The following HSD17B11 variants were observed in gnomAD, a reference collection of about 807,000 sequenced individuals.
The protein encoded by HSD17B11 is hydroxysteroid 17-beta dehydrogenase 11.
Under a neutral mutation model 27.8 loss-of-function variants are expected in HSD17B11, and 22 were observed. The observed-to-expected ratio is 0.79, with a 90% CI of 0.56 to 1.13. The LOEUF (loss-of-function observed/expected upper bound fraction) is 1.13, where lower values mean the gene tolerates loss of function less well. Ranked by LOEUF, HSD17B11 falls within the 50% of genes most tolerant of loss-of-function variation. The probability of loss-of-function intolerance (pLI) is 0.00; values close to 1 mark genes in which losing one functional copy is unlikely to be tolerated. For synonymous variants in HSD17B11, 117 were observed against 132.8 expected, an observed-to-expected ratio of 0.88 and a Z score of 0.82; for missense variants, 314 against 351.1, an observed-to-expected ratio of 0.89 and a Z score of 0.84.
At chr4:87,382,038 A>G (rs567078261) in intron 2 of HSD17B11, among the ~76,000 whole-genome samples, 5 of 152,264 alleles carry the variant, frequency 3.3e-5, no homozygotes, top group African/African-American at 1.2e-4. Flanking sequence ...ATATATATAC[A>G]TTTTTAACAA....
At chr4:87,375,835 A>ATTTC (rs10627889) in intron 2 of HSD17B11, among the ~76,000 whole-genome samples, 92,885 of 151,800 alleles carry the variant, frequency 0.61, 29,664 homozygotes, top group African/African-American at 0.76. Flanking sequence ...CACATTTTCT[A>ATTTC]TTTATTTCTG....
chr4:87,386,096 T>C (rs941702082), intron 1 of HSD17B11, among the ~76,000 whole-genome samples: 1 of 152,162 alleles, frequency 6.6e-6, no homozygotes, highest in Admixed American at 6.5e-5. Flanking sequence ...CTCCACTATA[T>C]GGATGCAAAG....
intron 4 of HSD17B11, among the ~76,000 whole-genome samples, chr4:87,364,475 T>C (rs1347111648): frequency 6.6e-6 from 1 of 152,012 alleles, no homozygotes; most frequent in African/African-American, 2.4e-5. Context: ...AGGTAGGAAA[T>C]GTACTTTAAG....
intron 2 of HSD17B11, among the ~76,000 whole-genome samples, chr4:87,381,428 A>G: frequency 6.6e-6 from 1 of 152,118 alleles, no homozygotes. Context: ...TATACAGCAC[A>G]TCTCAATTGT....
chr4:87,339,641 C>T (rs1432574139), intron 6 of HSD17B11, among the ~76,000 whole-genome samples: 1 of 152,176 alleles, frequency 6.6e-6, no homozygotes, highest in African/African-American at 2.4e-5. Context: ...AGCCTCATTG[C>T]CACACAGCTT....
intron 2 of HSD17B11, among the ~76,000 whole-genome samples, chr4:87,378,857 A>AATAT (rs373730646): frequency 5.7e-4 from 11 of 19,172 alleles, no homozygotes; most frequent in African/African-American, 9.4e-4. Context: ...TATATATATA[A>AATAT]ATATATATAA....
chr4:87,376,858 G>A (rs770439220), intron 2 of HSD17B11, among the ~76,000 whole-genome samples: 4 of 152,022 alleles, frequency 2.6e-5, no homozygotes, highest in Admixed American at 6.5e-5. Context: ...GGCTGGGCAC[G>A]GTGGCTCACA....
At chr4:87,344,914 C>T (rs1314681750) in intron 5 of HSD17B11, among the ~76,000 whole-genome samples, 1 of 152,000 alleles carries the variant, frequency 6.6e-6, no homozygotes, top group Admixed American at 6.6e-5. Flanking sequence ...AATGAGAAAC[C>T]ACAAGAAATT....
intron 4 of HSD17B11, among the ~76,000 whole-genome samples, chr4:87,357,874 T>C (rs1735415295): frequency 6.6e-6 from 1 of 151,820 alleles, no homozygotes; most frequent in African/African-American, 2.4e-5. Context: ...TAAATTATTT[T>C]CTCATTATAT....
At chr4:87,357,031 G>A (rs905986554) in intron 5 of HSD17B11, among the ~76,000 whole-genome samples, 1 of 152,092 alleles carries the variant, frequency 6.6e-6, no homozygotes, top group African/African-American at 2.4e-5. Context: ...CATTACTCAG[G>A]AGAAGAAAAA....
In HSD17B11 at chr4:87,343,893, T is replaced by C. The variant is rs191253546; in HGVS notation, c.696-3287A>G. On this transcript the variant is annotated intron_variant, in intron 5 of 6. Coordinates refer to ENST00000358290, the MANE Select transcript of HSD17B11 (RefSeq NM_016245.5). ...TTTTTGTTTTTGTTATTTCCTAATC[T>C]GAAAAATAAGGATAGTGCAGTGGTG... Among the ~76,000 whole-genome samples the C allele has an allele frequency of 3.3e-5, 5 of 152,268 alleles. No homozygotes were observed. The East Asian group carries it at 9.7e-4, about 29-fold the overall frequency.
At chr4:87,341,960 T>A (rs994894508) in intron 5 of HSD17B11, among the ~76,000 whole-genome samples, 3 of 152,210 alleles carry the variant, frequency 2.0e-5, no homozygotes, top group Non-Finnish European at 4.4e-5. Flanking sequence ...TGAGACTTTT[T>A]AACATTTTAT....
At position 87,378,871 on chromosome 4, in the gene HSD17B11, T is replaced by TATATATTA. The variant is rs1720014349; in HGVS notation, c.318+3383_318+3384insTAATATAT. On this transcript the variant is annotated intron_variant, in intron 2 of 6. Coordinates refer to ENST00000358290, the MANE Select transcript of HSD17B11 (RefSeq NM_016245.5). ...ATATATATATAAATATATATAAATA[T>TATATATTA]ATATATATAAATATATATATATAAA... Among the ~76,000 whole-genome samples the TATATATTA allele has an allele frequency of 1.9e-4, 5 of 26,238 alleles. 1 individual carries two copies. Among genetic ancestry groups the TATATATTA allele is most frequent in the African/African-American group, 1.8e-3 (5 of 2,736 alleles). 17.2% of individuals were successfully genotyped at this position (26,238 alleles called of 152,430 possible).
intron 5 of HSD17B11, among the ~76,000 whole-genome samples, 192 bp downstream of exon 5, chr4:87,357,087 T>A (rs982249704): frequency 1.3e-5 from 2 of 152,246 alleles, no homozygotes; most frequent in African/African-American, 4.8e-5. Context: ...TTTACTTTTT[T>A]AGTCACGCTC....
rs748955521 is a variant in HSD17B11 at position 87,357,948 on chromosome 4, A to ATTTTTTTTTTTT, written c.558-533_558-532insAAAAAAAAAAAA. Among the ~76,000 whole-genome samples the ATTTTTTTTTTTT allele has an allele frequency of 1.7e-3, 165 of 97,358 alleles. 15 individuals carry two copies. The highest frequency in any genetic ancestry group is 0.011 in the Middle Eastern group (2 of 184). 63.9% of individuals were successfully genotyped at this position (97,358 alleles called of 152,430 possible). ...TTTGTAACTGAACATTCATTAGAGA[A>ATTTTTTTTTTTT]ATTTTTTTTTTTTTTTTTTTTTTTT... On this transcript the variant is annotated intron_variant, in intron 4 of 6. Transcript: ENST00000358290.
At chr4:87,339,399 T>C (rs1735121972) in intron 6 of HSD17B11, among the ~76,000 whole-genome samples, 1 of 152,246 alleles carries the variant, frequency 6.6e-6, no homozygotes, top group Admixed American at 6.5e-5. Flanking sequence ...AAATATAATC[T>C]CTGGACCACT....
chr4:87,369,628 T>C (rs1735673516), intron 4 of HSD17B11, among the ~76,000 whole-genome samples: 1 of 152,102 alleles, frequency 6.6e-6, no homozygotes, highest in Non-Finnish European at 1.5e-5. Context: ...AGAGATGAGA[T>C]CTTGCTATGT....
chr4:87,353,414 AG>A (rs1188519117), intron 5 of HSD17B11, among the ~76,000 whole-genome samples: 1 of 152,224 alleles, frequency 6.6e-6, no homozygotes, highest in African/African-American at 2.4e-5. Context: ...GTATTTAACG[AG>A]GAACATGTTC....
intron 1 of HSD17B11, among the ~76,000 whole-genome samples, chr4:87,386,313 C>T (rs528135974): frequency 6.6e-6 from 1 of 152,192 alleles, no homozygotes; most frequent in East Asian, 1.9e-4. Context: ...AGTGATTCTC[C>T]TGCCTCAGCC....
Sources: allele counts gnomAD v4.1 joint callset (sites outside exome capture counted in the v4.1 genomes callset), GRCh38; gene constraint gnomAD v4.1.1; transcripts MANE v1.5; gene names NCBI Gene and HGNC (gene_info 2026-07-23, HGNC 2026-07-21).